The following G3BP2 variants were observed in gnomAD, a reference collection of about 807,000 sequenced individuals.
G3BP2 encodes the protein G3BP stress granule assembly factor 2.
Under a neutral mutation model 56.7 loss-of-function variants are expected in G3BP2, and 11 were observed. The ratio of observed to expected loss-of-function variants is 0.19; its 90% CI spans 0.12 to 0.32. The LOEUF is 0.32. Among genes scored for constraint, G3BP2 ranks in the 10% least tolerant of loss-of-function variants. The pLI is 1.00. For missense variants in G3BP2, 340 were observed against 610.9 expected (o/e 0.56, Z 4.67); for synonymous variants, 165 against 191.6 (o/e 0.86, Z 1.15).
At chr4:75,689,607 T>C (rs1204124780) in intron 3 of G3BP2, among the ~76,000 whole-genome samples, 1 of 152,238 alleles carries the variant, frequency 6.6e-6, no homozygotes, top group Non-Finnish European at 1.5e-5. Context: ...TTTTCAATGA[T>C]GCCAGTCCTC....
At chr4:75,655,640 T>C (rs182231746) in intron 6 of G3BP2, 128 bp downstream of exon 6, 76 of 621,890 alleles carry the variant, frequency 1.2e-4, no homozygotes, top group Admixed American at 7.1e-4. Flanking sequence ...ATATACACAA[T>C]AGGTACTCAA....
At chr4:75,690,712 C>T (rs1282561711) in intron 3 of G3BP2, among the ~76,000 whole-genome samples, 3 of 152,090 alleles carry the variant, frequency 2.0e-5, no homozygotes, top group Non-Finnish European at 4.4e-5. Flanking sequence ...CCTGGGACCA[C>T]AGGTATGCAC....
At chr4:75,693,793 A>G (rs555597471) in intron 3 of G3BP2, among the ~76,000 whole-genome samples, 23 of 152,018 alleles carry the variant, frequency 1.5e-4, no homozygotes, top group South Asian at 8.3e-4. Flanking sequence ...GTCTAAAAAA[A>G]AAAAAAAAGA....
In G3BP2 at chr4:75,645,476, C is replaced by T. The variant is rs778395439; in HGVS notation, c.1403G>A (p.Arg468Lys). Residue 468 changes from arginine to lysine, a missense_variant, in exon 12 of 12, where the codon AGA becomes AAA. By Grantham distance (26) the Arg-to-Lys change is conservative. This residue lies in a region of G3BP2 where 94 missense variants were observed against 173.8 expected (regional missense o/e 0.54). Transcript: ENST00000359707. ...GGMAQKLGSG[R>K]GTGQMEGRFT... Reference sequence around the variant, plus strand: ...GCGGCCCTCCATTTGCCCGGTTCCTCTTCCAGAGCCAAGTTTCTGTGCCAT... The same window carrying T: ...GCGGCCCTCCATTTGCCCGGTTCCTTTTCCAGAGCCAAGTTTCTGTGCCAT... The T allele has an allele frequency of 1.4e-5, 22 of 1,614,054 alleles. No individual in the cohort carries two copies. Among genetic ancestry groups the T allele is most frequent in the African/African-American group, 6.7e-5 (5 of 74,926 alleles).
intron 7 of G3BP2, 144 bp from the exon 8 acceptor site, chr4:75,654,225 A>C: frequency 1.9e-6 from 1 of 519,090 alleles, no homozygotes; most frequent in Non-Finnish European, 3.5e-6. Flanking sequence ...GCACACACAC[A>C]CATGCCAGTC....
intron 1 of G3BP2, chr4:75,670,438 T>TC (rs1560403588): frequency 6.6e-6 from 1 of 152,214 alleles, no homozygotes; most frequent in East Asian, 1.9e-4. Flanking sequence ...CTAAGAATCA[T>TC]AGTGGTACAA....
At position 75,655,171 on chromosome 4, in the gene G3BP2, T is replaced by G. The variant is rs191522721; in HGVS notation, c.621A>C (p.Glu207Asp). 95 of 1,613,554 alleles carry G rather than the reference T, an allele frequency of 5.9e-5. 1 individual carries two copies. Among genetic ancestry groups the G allele is most frequent in the Admixed American group, 1.8e-4 (11 of 60,028 alleles). The change falls in exon 7 of 12, where the codon GAA becomes GAC. Residue 207 changes from glutamate (E) to aspartate (D), a missense_variant. Glu to Asp is a conservative substitution (Grantham distance 45). Coordinates refer to ENST00000359707, the MANE Select transcript of G3BP2 (RefSeq NM_203505.3). ...TCTCCTCCACTTGTGGTTTCAGCTC[T>G]TCAGTCTTTGTTTCAGATTCTGGCT... ...EPEPESETKT[E>D]ELKPQVEEKN...
At chr4:75,674,044 G>C (rs1443101943), upstream of G3BP2, 1 of 152,244 alleles carries the variant, frequency 6.6e-6, no homozygotes, top group African/African-American at 2.4e-5. Flanking sequence ...AGATACTAAA[G>C]CATTTTACAT....
chr4:75,654,888 T>A lies in G3BP2; in HGVS notation c.726+178A>T, dbSNP rs1578387724. The A allele has an allele frequency of 1.2e-5, 7 of 580,622 alleles. No homozygotes were observed. In the East Asian group the frequency reaches 1.7e-4, roughly 14 times the overall value. The allele number at this position is 580,622 out of a possible 1,614,324, so 36.0% of individuals were successfully genotyped here. ...ATAAGTTTCACTCTTAGAGGGGTAT[T>A]TTGCGGGGCAGGGAAACAATAACAT... On this transcript the variant is annotated intron_variant, in intron 7 of 11. Coordinates refer to ENST00000359707, the MANE Select transcript of G3BP2 (RefSeq NM_203505.3).
At chr4:75,705,540 G>A (rs1472156113) in intron 3 of G3BP2, among the ~76,000 whole-genome samples, 1 of 152,188 alleles carries the variant, frequency 6.6e-6, no homozygotes. Context: ...TGGGTTGGGA[G>A]AGCCAGAGAA....
At position 75,684,301 on chromosome 4, in the gene G3BP2, A is replaced by G. The variant is rs865994821; in HGVS notation, c.-24-22252T>C. ...GTGCCTGTAGTCCCAGCTACTCAGG[A>G]GGCTAAGGCAGAAGAATCACTTGAA... On this transcript the variant is annotated intron_variant, in intron 3 of 3. Transcript: ENST00000499709. 5.3e-5 allele frequency among the ~76,000 whole-genome samples: 8 copies of G among 152,252 alleles called. No individual in the cohort carries two copies. The South Asian group carries it at 1.7e-3, about 32-fold the overall frequency.
chr4:75,648,784 T>C lies in G3BP2; in HGVS notation c.826-43A>G, dbSNP rs764088179. On this transcript the variant is annotated intron_variant, in intron 8 of 11. Coordinates refer to ENST00000359707, the MANE Select transcript of G3BP2 (RefSeq NM_203505.3). Reference sequence around the variant, plus strand: ...AAAAACATTATAAAAAACACTCCACTGGAGAAAAACCAACCAAAGCACCTA... The same window carrying C: ...AAAAACATTATAAAAAACACTCCACCGGAGAAAAACCAACCAAAGCACCTA... The C allele has an allele frequency of 7.9e-6, 10 of 1,262,594 alleles. No individual in the cohort carries two copies. In the South Asian group the frequency reaches 1.0e-4, roughly 13 times the overall value. The allele number at this position is 1,262,594 out of a possible 1,614,324, so 78.2% of individuals were successfully genotyped here.
intron 3 of G3BP2, among the ~76,000 whole-genome samples, chr4:75,711,773 A>C (rs1719768409): frequency 6.6e-6 from 1 of 152,048 alleles, no homozygotes; most frequent in Non-Finnish European, 1.5e-5. Context: ...AAGGAGAAAG[A>C]GATGGTACCA....
At chr4:75,661,230 G>A (rs1732524795) in intron 2 of G3BP2, among the ~76,000 whole-genome samples, 1 of 152,116 alleles carries the variant, frequency 6.6e-6, no homozygotes, top group Non-Finnish European at 1.5e-5. Context: ...CCAGATTCAA[G>A]CAATTCTCCT....
At chr4:75,702,172 T>A (rs1269551903) in intron 3 of G3BP2, among the ~76,000 whole-genome samples, 1 of 13,160 alleles carries the variant, frequency 7.6e-5, no homozygotes, top group Non-Finnish European at 1.7e-4. Flanking sequence ...AACCCCCCAA[T>A]TTTTTTTTTT....
chr4:75,683,491 G>A (rs1244198595), intron 3 of G3BP2, among the ~76,000 whole-genome samples: 1 of 151,996 alleles, frequency 6.6e-6, no homozygotes, highest in African/African-American at 2.4e-5. Context: ...TTGAACCTGG[G>A]AGGTGGAGGT....
chr4:75,672,202 C>T (rs1464396919), intron 1 of G3BP2, among the ~76,000 whole-genome samples: 1 of 152,170 alleles, frequency 6.6e-6, no homozygotes, highest in Non-Finnish European at 1.5e-5. Flanking sequence ...ACTCTCCTCC[C>T]ACCCCCCAAA....
At chr4:75,714,554 G>A (rs779160631) in intron 3 of G3BP2, among the ~76,000 whole-genome samples, 1 of 152,112 alleles carries the variant, frequency 6.6e-6, no homozygotes, top group Non-Finnish European at 1.5e-5. Context: ...CTTGAACCCG[G>A]GAGGCGAAGG....
At chr4:75,674,718 A>ATATATATATATATATATATAT (rs1241041465), upstream of G3BP2, among the ~76,000 whole-genome samples, 2 of 71,430 alleles carry the variant, frequency 2.8e-5, no homozygotes, top group African/African-American at 1.2e-4. Context: ...ATATATATAT[A>ATATATATATATATATATATAT]TTTTTTTTTT....
Sources: allele counts gnomAD v4.1 joint callset (sites outside exome capture counted in the v4.1 genomes callset), GRCh38; gene constraint gnomAD v4.1.1; regional missense constraint gnomAD v4.1.1; transcripts MANE v1.5; gene names NCBI Gene and HGNC (gene_info 2026-07-23, HGNC 2026-07-21).